PCDHGA2: variants seen among roughly 807,000 people sequenced by gnomAD.
PCDHGA2 encodes protocadherin gamma subfamily A, 2, also known as protocadherin gamma-A2.
Under a neutral mutation model 59.2 loss-of-function variants are expected in PCDHGA2, and 40 were observed. The observed-to-expected ratio is 0.68, with a 90% confidence interval of 0.52 to 0.88. The LOEUF (loss-of-function observed/expected upper bound fraction) is 0.88. PCDHGA2 is among the 40% of genes least tolerant of loss of function. The pLI is 0.00. For synonymous variants in PCDHGA2, 560 were observed against 526.0 expected (o/e 1.06, Z -0.89); for missense variants, 1,226 against 1,204.0 (o/e 1.02, Z -0.27).
At chr5:141,365,947 C>A (rs752957428) in intron 1 of PCDHGA2, 1 of 1,613,770 alleles carries the variant, frequency 6.2e-7, no homozygotes, top group East Asian at 2.2e-5. Flanking sequence ...ACAGTGGGAA[C>A]CCTCCACTTA....
chr5:141,393,088 G>C (rs760420305), intron 1 of PCDHGA2: 4 of 1,613,648 alleles, frequency 2.5e-6, no homozygotes, highest in South Asian at 1.1e-5. Context: ...AGGATAGATC[G>C]GGAGGAGCTC....
chr5:141,429,534 A>G (rs1036595279), intron 1 of PCDHGA2, among the ~76,000 whole-genome samples: 1 of 152,222 alleles, frequency 6.6e-6, no homozygotes. Context: ...GCTTAAAAAA[A>G]TAAGAACATG....
At chr5:141,371,656 C>G (rs772257649) in intron 1 of PCDHGA2, 2 of 1,614,004 alleles carry the variant, frequency 1.2e-6, no homozygotes, top group Non-Finnish European at 1.7e-6. Flanking sequence ...TACAATGTGA[C>G]GATCACAGCT....
At chr5:141,469,372 C>G (rs780872014) in intron 1 of PCDHGA2, among the ~76,000 whole-genome samples, 5 of 151,990 alleles carry the variant, frequency 3.3e-5, no homozygotes, top group Non-Finnish European at 5.9e-5. Flanking sequence ...GTAAAGAGAT[C>G]GAGACCATCC....
chr5:141,389,560 G>T (rs1323439261), intron 1 of PCDHGA2: 5 of 1,613,224 alleles, frequency 3.1e-6, no homozygotes, highest in Non-Finnish European at 4.2e-6. Flanking sequence ...AATGCGCCAC[G>T]GGTGCTGTAC....
intron 1 of PCDHGA2, chr5:141,357,234 C>T: frequency 6.2e-7 from 1 of 1,613,880 alleles, no homozygotes; most frequent in Non-Finnish European, 8.5e-7. Flanking sequence ...TGGGCAGCCT[C>T]AAGCCTTCAG....
chr5:141,507,937 A>T (rs2154594220), intron 3 of PCDHGA2: 1 of 152,420 alleles, frequency 6.6e-6, no homozygotes, highest in Admixed American at 6.5e-5. Context: ...AGAGGGGTTA[A>T]GTAAGAGGGA....
chr5:141,422,685 C>G lies in PCDHGA2; in HGVS notation c.2425-72122C>G, dbSNP rs754112462. The G allele has an allele frequency of 2.5e-6, 4 of 1,605,144 alleles. No individual in the cohort carries two copies. The South Asian group carries it at 4.5e-5, about 18-fold the overall frequency. On this transcript the variant is annotated intron_variant, in intron 1 of 3. Coordinates refer to ENST00000394576, the MANE Select transcript of PCDHGA2 (RefSeq NM_018915.4). ...TCGACCCGGACAGCAAACAGAATGCCCTGGTCACTTACTCTCTGACGGATG... is the reference window on the plus strand; with the variant it reads ...TCGACCCGGACAGCAAACAGAATGCGCTGGTCACTTACTCTCTGACGGATG...
At chr5:141,505,523 G>C in intron 3 of PCDHGA2, 42 bp downstream of exon 3, 2 of 1,612,760 alleles carry the variant, frequency 1.2e-6, no homozygotes, top group South Asian at 2.2e-5. Context: ...GGGAGACCTG[G>C]GGTTCTGGGG....
intron 1 of PCDHGA2, among the ~76,000 whole-genome samples, chr5:141,452,284 C>G (rs1182155879): frequency 6.6e-6 from 1 of 152,112 alleles, no homozygotes; most frequent in Non-Finnish European, 1.5e-5. Context: ...TTCTTACTTT[C>G]TGATATAAGA....
chr5:141,377,665 G>T (rs1040007479), intron 1 of PCDHGA2: 1 of 151,618 alleles, frequency 6.6e-6, no homozygotes, highest in Admixed American at 6.6e-5. Flanking sequence ...AACGACAGAC[G>T]TTCATACAAG....
chr5:141,502,383 G>A (rs941410477), intron 2 of PCDHGA2, among the ~76,000 whole-genome samples: 2 of 151,846 alleles, frequency 1.3e-5, no homozygotes, highest in African/African-American at 4.8e-5. Context: ...CAGGCCAGTT[G>A]TACTTTAAAA....
rs909174523 is a variant in PCDHGA2 at position 141,474,102 on chromosome 5, A to AAAC, written c.2425-20695_2425-20693dup. 2.6e-5 allele frequency among the ~76,000 whole-genome samples: 4 copies of AAAC among 152,286 alleles called. No homozygotes were observed. In the East Asian group the frequency reaches 7.7e-4, roughly 29 times the overall value. ...AAAACCAAAAAACAAACAACAACAA[A>AAAC]AACAACAACAACGAAAATCTCAGAA... is the stretch of plus-strand genomic sequence containing the variant. On this transcript the variant is annotated intron_variant, in intron 1 of 3. Coordinates refer to ENST00000394576, the MANE Select transcript of PCDHGA2 (RefSeq NM_018915.4).
intron 1 of PCDHGA2, among the ~76,000 whole-genome samples, chr5:141,462,211 C>T (rs543979258): frequency 2.0e-5 from 3 of 151,998 alleles, no homozygotes; most frequent in South Asian, 2.1e-4. Context: ...CCGCCTGCCT[C>T]GGCCTCCCAA....
intron 1 of PCDHGA2, chr5:141,413,078 C>A: frequency 7.7e-7 from 1 of 1,301,148 alleles, no homozygotes; most frequent in Non-Finnish European, 1.1e-6. Flanking sequence ...AGTGCCCAGG[C>A]TACAGAGACA....
intron 1 of PCDHGA2, chr5:141,342,087 G>C (rs1757116859): frequency 7.3e-6 from 1 of 136,818 alleles, no homozygotes; most frequent in Non-Finnish European, 1.6e-5. Flanking sequence ...TAAAGCTGTA[G>C]AGTGGTAATA....
Position 141,432,604 on chromosome 5 carries a change from A to T in PCDHGA2, c.2425-62203A>T, listed in dbSNP as rs774164351. ...GTCTGCTCAAGGCCAGCGAGCCGGG[A>T]CTCTTCTCGGTGGGTCTGCACACGG... On this transcript the variant is annotated intron_variant, in intron 1 of 3. Coordinates refer to ENST00000394576, the MANE Select transcript of PCDHGA2 (RefSeq NM_018915.4). The surrounding 1 kb of genome is among the most constrained non-coding windows in gnomAD (Gnocchi z 6.0). 1.2e-6 allele frequency: 2 copies of T among 1,610,530 alleles called. No homozygotes were observed. The highest frequency in any genetic ancestry group is 1.7e-6 in the Non-Finnish European group (2 of 1,179,274).
rs1384790784 is a variant in PCDHGA2, at chr5:141,431,800, G to T, written c.2425-63007G>T. 1 of 1,614,206 alleles carries T rather than the reference G, an allele frequency of 6.2e-7. No individual in the cohort carries two copies. Among genetic ancestry groups the T allele is most frequent in the African/African-American group, 1.3e-5 (1 of 75,054 alleles). ...ACGTGAACGACAATGCCCCAGAAGT[G>T]GTCCTCACCTCTCTCGCCAGCTCGG... On this transcript the variant is annotated intron_variant, in intron 1 of 3. Transcript: ENST00000394576. This position sits in a 1 kb window ranked among gnomAD's most constrained non-coding sequence, Gnocchi z 4.8.
At chr5:141,498,971 GGGAAGGAAGGAAGGAAGGAA>G (rs201769957) in intron 2 of PCDHGA2, among the ~76,000 whole-genome samples, 1,566 of 111,048 alleles carry the variant, frequency 0.014, 32 homozygotes, top group African/African-American at 0.048. Flanking sequence ...GAGGGAGGGA[GGGAAGGAAGGAAGGAAGGAA>G]GGAAGGAAGG....
Sources: allele counts gnomAD v4.1 joint callset (sites outside exome capture counted in the v4.1 genomes callset), GRCh38; gene constraint gnomAD v4.1.1; non-coding constraint Gnocchi (gnomAD v3.1); transcripts MANE v1.5; gene names NCBI Gene and HGNC (gene_info 2026-07-23, HGNC 2026-07-21).